GALNT13: variants seen among roughly 807,000 people sequenced by gnomAD.
The protein encoded by GALNT13 is UDP-GalNAc:polypeptide N-acetylgalactosaminyltransferase 13.
GALNT13 carries 28 observed loss-of-function variants against 64.2 expected under a neutral mutation model. The observed-to-expected ratio is 0.44, with a 90% CI of 0.32 to 0.60. The LOEUF (loss-of-function observed/expected upper bound fraction) is 0.60, where lower values mean the gene tolerates loss of function less well. GALNT13 is among the 20% of genes least tolerant of loss of function. GALNT13 has a pLI of 0.05. For synonymous variants in GALNT13, 214 were observed against 224.6 expected (o/e 0.95, Z 0.42); for missense variants, 577 against 669.8 (o/e 0.86, Z 1.53).
chr2:154,168,673 TAAA>T (rs70983708), intron 4 of GALNT13, among the ~76,000 whole-genome samples: 7 of 101,074 alleles, frequency 6.9e-5, no homozygotes, highest in Admixed American at 2.1e-4. Context: ...TCTCTACTAT[TAAA>T]AAAAAAAAAA....
chr2:153,728,972 G>A, the GALNT13 span, among the ~76,000 whole-genome samples: 2 of 152,102 alleles, frequency 1.3e-5, no homozygotes, highest in South Asian at 2.1e-4. Context: ...CCAATAACAA[G>A]TTATGAAATT....
chr2:154,063,918 C>A (rs761539400), intron 3 of GALNT13, among the ~76,000 whole-genome samples: 2 of 152,146 alleles, frequency 1.3e-5, no homozygotes, highest in African/African-American at 4.8e-5. Context: ...ATAAGAACCA[C>A]CAGTCAGGTA....
At chr2:153,304,258 G>A in the GALNT13 span, among the ~76,000 whole-genome samples, 4 of 151,892 alleles carry the variant, frequency 2.6e-5, no homozygotes, top group Admixed American at 6.6e-5. Context: ...GCCTAAGTCA[G>A]CTTCACATGA....
chr2:154,340,429 A>G (rs967007652), intron 9 of GALNT13, among the ~76,000 whole-genome samples: 2 of 152,086 alleles, frequency 1.3e-5, no homozygotes, highest in South Asian at 4.1e-4. Context: ...TCCAAATGCA[A>G]TGCAGGAAAA....
chr2:153,221,492 A>T, the GALNT13 span, among the ~76,000 whole-genome samples: 1 of 152,208 alleles, frequency 6.6e-6, no homozygotes, highest in Non-Finnish European at 1.5e-5. Flanking sequence ...ATTATCATGG[A>T]TACAGAGGGT....
chr2:154,145,070 CTCTATCTATCTATCTA>C (rs57991813), intron 4 of GALNT13, among the ~76,000 whole-genome samples: 3 of 136,234 alleles, frequency 2.2e-5, no homozygotes, highest in South Asian at 2.4e-4. Context: ...CTCTCTCTCT[CTCTATCTATCTATCTA>C]TCTATCTATC....
At chr2:153,626,752 G>A in the GALNT13 span, among the ~76,000 whole-genome samples, 2 of 152,058 alleles carry the variant, frequency 1.3e-5, no homozygotes, top group Non-Finnish European at 2.9e-5. Context: ...CCTCAAGCCA[G>A]GAATGATTAA....
rs1010555249 is a variant in GALNT13, at chr2:154,392,699, G to C, written c.1157-3292G>C. Among the ~76,000 whole-genome samples, 7 of 152,152 alleles carry C rather than the reference G, an allele frequency of 4.6e-5. No homozygotes were observed. In the East Asian group the frequency reaches 1.3e-3, roughly 29 times the overall value. ...GTTAAGACAGATTCAATTATTCTTA[G>C]TGTTATGGAAAATCACGGTACACTT... is the stretch of plus-strand genomic sequence containing the variant. On this transcript the variant is annotated intron_variant, in intron 9 of 12. Coordinates refer to ENST00000392825, the MANE Select transcript of GALNT13 (RefSeq NM_052917.4).
chr2:153,199,468 GTA>G, the GALNT13 span, among the ~76,000 whole-genome samples: 1 of 152,184 alleles, frequency 6.6e-6, no homozygotes, highest in Non-Finnish European at 1.5e-5. Context: ...GGTTGTGGTA[GTA>G]TCATCAGACT....
At chr2:153,635,988 G>A in the GALNT13 span, among the ~76,000 whole-genome samples, 3 of 152,158 alleles carry the variant, frequency 2.0e-5, no homozygotes, top group African/African-American at 4.8e-5. Context: ...GGATGTATGT[G>A]TGTTGATGTG....
chr2:154,120,042 T>C (rs1052908088), intron 3 of GALNT13, among the ~76,000 whole-genome samples: 22 of 152,314 alleles, frequency 1.4e-4, no homozygotes, highest in South Asian at 1.0e-3. Context: ...TTGTGGAGAC[T>C]TCCCTCTCTT....
rs548671359 is a variant in GALNT13 at position 154,105,054 on chromosome 2, A to C, written c.143-35283A>C. ...TGTTGCAGGGTGAAGGGGCCAAAGA[A>C]TTACTTCCACCTACCCTTTTTGAGG... On this transcript the variant is annotated intron_variant, in intron 3 of 12. Transcript: ENST00000392825. 1.5e-4 allele frequency among the ~76,000 whole-genome samples: 23 copies of C among 152,190 alleles called. No homozygotes were observed. The South Asian group carries it at 4.8e-3, about 32-fold the overall frequency.
chr2:154,207,443 A>C (rs1687527463), intron 4 of GALNT13, among the ~76,000 whole-genome samples: 1 of 152,152 alleles, frequency 6.6e-6, no homozygotes, highest in South Asian at 2.1e-4. Context: ...TAAGGCAGAG[A>C]TCTTGCCTTA....
chr2:153,215,931 T>C, the GALNT13 span, among the ~76,000 whole-genome samples: 7 of 152,134 alleles, frequency 4.6e-5, no homozygotes, highest in Middle Eastern at 3.4e-3. Context: ...ACAGTCATAA[T>C]ATGGAAGAGT....
At chr2:153,107,600 TG>T in the GALNT13 span, among the ~76,000 whole-genome samples, 1 of 152,150 alleles carries the variant, frequency 6.6e-6, no homozygotes, top group African/African-American at 2.4e-5. Context: ...TTATTTTTCC[TG>T]GAGAGGAGTA....
chr2:153,402,358 A>C, the GALNT13 span, among the ~76,000 whole-genome samples: 2 of 150,418 alleles, frequency 1.3e-5, no homozygotes, highest in Non-Finnish European at 3.0e-5. Context: ...GCTGCCCTTA[A>C]CATTTTTTCC....
the GALNT13 span, among the ~76,000 whole-genome samples, chr2:153,403,535 C>T: frequency 6.6e-6 from 1 of 152,350 alleles, no homozygotes; most frequent in Non-Finnish European, 1.5e-5. Flanking sequence ...GCCTCCCTGC[C>T]ACCTTGCAGT....
the GALNT13 span, among the ~76,000 whole-genome samples, chr2:153,181,002 T>G: frequency 6.7e-6 from 1 of 149,562 alleles, no homozygotes; most frequent in Non-Finnish European, 1.5e-5. Flanking sequence ...TAGTCTCTAT[T>G]TTATTTATTT....
the GALNT13 span, among the ~76,000 whole-genome samples, chr2:153,225,773 T>C: frequency 6.6e-6 from 1 of 152,144 alleles, no homozygotes. Context: ...ACAAAATATG[T>C]ACAGGATTTA....
Sources: gnomAD v4.1 joint callset for allele counts (sites outside exome capture counted in the v4.1 genomes callset) on GRCh38, gnomAD v4.1.1 for gene constraint, MANE v1.5 for transcripts, NCBI Gene and HGNC (gene_info 2026-07-23, HGNC 2026-07-21) for gene names.